The following NBEAL2 variants were observed in gnomAD, a reference collection of about 807,000 sequenced individuals.
NBEAL2 encodes the protein neurobeachin like 2, also known as neurobeachin-like protein 2.
In NBEAL2, 160 loss-of-function variants were observed where a neutral mutation model predicts 299.8. That is an observed-to-expected ratio of 0.53 (90% CI 0.47 to 0.61). The LOEUF (loss-of-function observed/expected upper bound fraction) is 0.61, where lower values mean the gene tolerates loss of function less well. NBEAL2 is among the 20% of genes least tolerant of loss of function. The probability of loss-of-function intolerance (pLI) is 0.00; values close to 1 mark genes in which losing one functional copy is unlikely to be tolerated. For synonymous variants in NBEAL2, 1,493 were observed against 1,542.3 expected (o/e 0.97, Z 0.75); for missense variants, 3,112 against 3,649.0 (o/e 0.85, Z 3.79).
chr3:47,004,835 CCT>C lies in NBEAL2; in HGVS notation c.6295-136_6295-135del. The C allele has an allele frequency of 7.6e-7, 1 of 1,318,130 alleles. No homozygotes were observed. Among genetic ancestry groups the C allele is most frequent in the Non-Finnish European group, 1.0e-6 (1 of 960,310 alleles). The allele number at this position is 1,318,130 out of a possible 1,614,324, so 81.7% of individuals were successfully genotyped here. ...GTTCCAGGACACTCTGTCCTTCTCC[CCT>C]GTGACCCCTCTAAGTGGTGCTCCCC... On this transcript the variant is annotated intron_variant, in intron 38 of 53. Transcript: ENST00000450053. This position sits in a 1 kb window ranked among gnomAD's most constrained non-coding sequence, Gnocchi z 5.0.
In NBEAL2 at chr3:46,996,961, A is replaced by C; in HGVS notation, c.2564A>C (p.Lys855Thr). The C allele has an allele frequency of 1.2e-6, 2 of 1,613,212 alleles. No homozygotes were observed. Among genetic ancestry groups the C allele is most frequent in the Non-Finnish European group, 1.7e-6 (2 of 1,179,796 alleles). ...LLLHYSPQACKNNICLDLSPS... is the reference protein window; with the variant it reads ...LLLHYSPQACTNNICLDLSPS... ...CCATTCCCCTATCCCTAGGCTTGTAAGAACAACATCTGCCTGGACCTGTCC... is the reference window on the plus strand; with the variant it reads ...CCATTCCCCTATCCCTAGGCTTGTACGAACAACATCTGCCTGGACCTGTCC... Residue 855 changes from lysine to threonine, a missense_variant, in exon 18 of 54, where the codon AAG becomes ACG. Lys to Thr is a moderately conservative substitution (Grantham distance 78). Around this residue, in one of 3 missense-constraint regions of NBEAL2, gnomAD observed 2,243 missense variants for 2,538.1 expected, o/e 0.88. Transcript: ENST00000450053.
chr3:47,004,360 C>T lies in NBEAL2; in HGVS notation c.6165C>T (p.Pro2055=), dbSNP rs201897629. 13 of 1,601,084 alleles carry T rather than the reference C, an allele frequency of 8.1e-6. No individual in the cohort carries two copies. In the East Asian group the frequency reaches 2.0e-4, roughly 25 times the overall value. Reference sequence around the variant, plus strand: ...AAGGCTACCTAAGCAGCCGCTCCCCCCAGGAGATGCTGCGTGCCTCAGGCC... The same window carrying T: ...AAGGCTACCTAAGCAGCCGCTCCCCTCAGGAGATGCTGCGTGCCTCAGGCC... The part of the protein sequence containing the change: ...PSQGYLSSRS[P]QEMLRASGLT... The change falls in exon 37 of 54, where the codon CCC becomes CCT. Residue 2055 remains proline, a synonymous_variant. Coordinates refer to ENST00000450053, the MANE Select transcript of NBEAL2 (RefSeq NM_015175.3). The surrounding 1 kb of genome is among the most constrained non-coding windows in gnomAD (Gnocchi z 5.0).
chr3:47,002,746 G>A lies in NBEAL2; in HGVS notation c.5403G>A (p.Leu1801=). Residue 1801 remains leucine (L), a synonymous_variant, in exon 33 of 54, where the codon CTG becomes CTA. Coordinates refer to ENST00000450053, the MANE Select transcript of NBEAL2 (RefSeq NM_015175.3). Reference sequence around the variant, plus strand: ...CAACGCAGCACTCCATGGCCCTGCTGCACTGGGGGGCGCTGTGGCGCCAGC... The same window carrying A: ...CAACGCAGCACTCCATGGCCCTGCTACACTGGGGGGCGCTGTGGCGCCAGC... ...QQATQHSMAL[L]HWGALWRQLA... is the part of the protein sequence containing the mutation. 1 of 1,580,192 alleles carries A rather than the reference G, an allele frequency of 6.3e-7. No homozygotes were observed. Among genetic ancestry groups the A allele is most frequent in the Non-Finnish European group, 8.6e-7 (1 of 1,167,536 alleles).
Position 47,001,040 on chromosome 3 carries a change from G to C in NBEAL2, c.4345G>C (p.Val1449Leu). The C allele has an allele frequency of 6.2e-7, 1 of 1,612,424 alleles. No homozygotes were observed. Residue 1449 changes from valine to leucine, a missense_variant, in exon 28 of 54, where the codon GTG becomes CTG. Physicochemically the swap from Val to Leu is conservative, Grantham distance 32 (BLOSUM62 1). Transcript: ENST00000450053. The surrounding 1 kb of genome is among the most constrained non-coding windows in gnomAD (Gnocchi z 6.1). ...EEELCNLLTNVLFSVTWRGVE... is the reference protein window; with the variant it reads ...EEELCNLLTNLLFSVTWRGVE... ...AGAGTTGTGCAATCTGCTCACCAAC[G>C]TGCTGTTCTCGGTGACGTGGCGTGG...
rs2305639 is a variant in NBEAL2, at chr3:47,009,094, C to T, written c.8133C>T (p.Leu2711=). The T allele has an allele frequency of 2.9e-5, 46 of 1,600,430 alleles. 2 individuals are homozygous for T. The East Asian group carries it at 9.8e-4, about 34-fold the overall frequency. The change falls in exon 53 of 54, where the codon CTC becomes CTT. Residue 2711 remains leucine, a synonymous_variant. Coordinates refer to ENST00000450053, the MANE Select transcript of NBEAL2 (RefSeq NM_015175.3). ...HVLVGLEDGK[L]IVVVAGQPSE... ...TGGTGGGCCTGGAGGATGGCAAGCT[C>T]ATCGTGGTGGTCGCGGGGCAGCCCT...
chr3:46,998,080 C>A lies in NBEAL2; in HGVS notation c.2972C>A (p.Ala991Asp). Reference sequence around the variant, plus strand: ...GTCTTATCCCAGGTCCCAAGCTGGGCCATGGACATGAACGTGCTCATGTCC... The same window carrying A: ...GTCTTATCCCAGGTCCCAAGCTGGGACATGGACATGAACGTGCTCATGTCC... ...GALLRKVPSW[A>D]MDMNVLMSAQ... Residue 991 changes from alanine to aspartate, a missense_variant, in exon 21 of 54, where the codon GCC becomes GAC. Around this residue, in one of 3 missense-constraint regions of NBEAL2, gnomAD observed 2,243 missense variants for 2,538.1 expected, o/e 0.88. Coordinates refer to ENST00000450053, the MANE Select transcript of NBEAL2 (RefSeq NM_015175.3). 3.8e-6 allele frequency: 6 copies of A among 1,571,852 alleles called. No homozygotes were observed. The highest frequency in any genetic ancestry group is 5.2e-6 in the Non-Finnish European group (6 of 1,158,308).
Position 47,000,996 on chromosome 3 carries a change from C to T in NBEAL2, c.4306-5C>T. Reference sequence around the variant, plus strand: ...CACGCCCACACCACCCACCTGTGCCCACAGCAAACCTCTGAGGAAGAGTTG... The same window carrying T: ...CACGCCCACACCACCCACCTGTGCCTACAGCAAACCTCTGAGGAAGAGTTG... On this transcript the variant is annotated splice_region_variant and splice_polypyrimidine_tract_variant and intron_variant, in intron 27 of 53. Transcript: ENST00000450053. The surrounding 1 kb of genome is among the most constrained non-coding windows in gnomAD (Gnocchi z 4.5). The T allele has an allele frequency of 6.2e-7, 1 of 1,601,012 alleles. No individual in the cohort carries two copies. The highest frequency in any genetic ancestry group is 8.5e-7 in the Non-Finnish European group (1 of 1,173,934).
At chr3:47,007,176 C>A in intron 46 of NBEAL2, 21 bp downstream of exon 46, 1 of 1,612,164 alleles carries the variant, frequency 6.2e-7, no homozygotes, top group Non-Finnish European at 8.5e-7. Context: ...TGTGCAGAGC[C>A]CCAGCTCAGC....
rs1190964527 is a variant in NBEAL2, at chr3:46,999,431, C to T, written c.3660C>T (p.Ser1220=). 2 of 1,588,132 alleles carry T rather than the reference C, an allele frequency of 1.3e-6. No homozygotes were observed. Among genetic ancestry groups the T allele is most frequent in the Non-Finnish European group, 1.7e-6 (2 of 1,167,868 alleles). Residue 1220 remains serine, a synonymous_variant, in exon 25 of 54, where the codon TCC becomes TCT. Transcript: ENST00000450053. ...LVACLPEGTV[S]PQLCQGLYKL... is the part of the protein sequence containing the mutation. ...CCTGCTTGCCTGAGGGGACTGTTTC[C>T]CCCCAGCTCTGCCAGGGCCTCTACA...
rs527746810 is a variant in NBEAL2, at chr3:46,994,918, A to G, written c.1297-114A>G. ...GCCTCACACACAACCTGTGGGCAGG[A>G]TGGAGTAGATCATGTTGCTGACTGC... On this transcript the variant is annotated intron_variant, in intron 12 of 53. Coordinates refer to ENST00000450053, the MANE Select transcript of NBEAL2 (RefSeq NM_015175.3). 12 of 1,398,048 alleles carry G rather than the reference A, an allele frequency of 8.6e-6. No homozygotes were observed. In the Admixed American group the frequency reaches 2.6e-4, roughly 31 times the overall value. The allele number at this position is 1,398,048 out of a possible 1,614,324, so 86.6% of individuals were successfully genotyped here.
Position 47,005,190 on chromosome 3 carries a change from CT to C in NBEAL2, c.6432del (p.Phe2144LeufsTer23), listed in dbSNP as rs1575623114. 1 of 1,613,846 alleles carries C rather than the reference CT, an allele frequency of 6.2e-7. No homozygotes were observed. The highest frequency in any genetic ancestry group is 8.5e-7 in the Non-Finnish European group (1 of 1,179,892). ...AQLVREKYES[F>X]EDPAGTIDKF... ...CCAACTGTGGCCCCAGGTATGAAAGCTTTGAGGACCCAGCAGGGACCATTGA... is the reference window on the plus strand; with the variant it reads ...CCAACTGTGGCCCCAGGTATGAAAGCTTGAGGACCCAGCAGGGACCATTGA... On this transcript the variant is annotated frameshift_variant, in exon 40 of 54. Transcript: ENST00000450053. LOFTEE classifies it high-confidence loss of function.
Position 46,991,924 on chromosome 3 carries a change from C to T in NBEAL2, c.1010C>T (p.Thr337Ile), listed in dbSNP as rs766005754. The stretch of plus-strand genomic sequence containing the variant: ...AGCAACAATTGCTTTGAACACCTCA[C>T]TCGGCTCATTCAGAACAGCAAGGTG... ...FLSNNCFEHL[T>I]RLIQNSKLYL... The change falls in exon 9 of 54, where the codon ACT (threonine) becomes ATT (isoleucine). Residue 337 changes from threonine to isoleucine, a missense_variant. By Grantham distance (89) the Thr-to-Ile change is moderately conservative. Transcript: ENST00000450053. The surrounding 1 kb of genome is among the most constrained non-coding windows in gnomAD (Gnocchi z 6.2). The T allele has an allele frequency of 6.2e-7, 1 of 1,601,088 alleles. No individual in the cohort carries two copies. Among genetic ancestry groups the T allele is most frequent in the East Asian group, 2.3e-5 (1 of 44,332 alleles).
Position 46,992,521 on chromosome 3 carries a change from C to G in NBEAL2, c.1079C>G (p.Ala360Gly), listed in dbSNP as rs1305673455. Residue 360 changes from alanine to glycine, a missense_variant, in exon 10 of 54, where the codon GCT becomes GGT. This residue lies in a region of NBEAL2 where 2,243 missense variants were observed against 2,538.1 expected (regional missense o/e 0.88). Coordinates refer to ENST00000450053, the MANE Select transcript of NBEAL2 (RefSeq NM_015175.3). ...CCCCCCGAGGGGGACAGTGACCTGGCTACCCGGTTACTGACTGAGCCCGAT... is the reference window on the plus strand; with the variant it reads ...CCCCCCGAGGGGGACAGTGACCTGGGTACCCGGTTACTGACTGAGCCCGAT... ...RAPPEGDSDLATRLLTEPDVQ... is the reference protein window; with the variant it reads ...RAPPEGDSDLGTRLLTEPDVQ... The G allele has an allele frequency of 6.2e-7, 1 of 1,604,370 alleles. No individual in the cohort carries two copies. The highest frequency in any genetic ancestry group is 8.5e-7 in the Non-Finnish European group (1 of 1,175,866).
At chr3:46,992,983 T>A (rs2036216995) in intron 10 of NBEAL2, among the ~76,000 whole-genome samples, 1 of 152,170 alleles carries the variant, frequency 6.6e-6, no homozygotes. Context: ...GATGATGTGA[T>A]CCCTGATTCA....
Position 47,007,809 on chromosome 3 carries a change from C to A in NBEAL2, c.7508-7C>A, listed in dbSNP as rs749459612. The A allele has an allele frequency of 6.2e-7, 1 of 1,612,806 alleles. No homozygotes were observed. The highest frequency in any genetic ancestry group is 2.2e-5 in the East Asian group (1 of 44,850). On this transcript the variant is annotated splice_region_variant and splice_polypyrimidine_tract_variant and intron_variant, in intron 48 of 53. Transcript: ENST00000450053. ...CGTTCTGCCTGTACCCTCCCCTTCC[C>A]ATGCAGATGTAGTAACCTGCCTTGC...
Position 47,000,337 on chromosome 3 carries a change from T to C in NBEAL2, c.4238T>C (p.Leu1413Pro), listed in dbSNP as rs757804953. 1 of 1,605,084 alleles carries C rather than the reference T, an allele frequency of 6.2e-7. No homozygotes were observed. The highest frequency in any genetic ancestry group is 1.7e-5 in the Admixed American group (1 of 59,832). ...GRHSSSLSNV[L>P]EDGSLPEPTI... ...CACAGCTCCAGTCTCTCCAATGTGCTGGAGGACGGCAGCCTCCCGGAGCCC... is the reference window on the plus strand; with the variant it reads ...CACAGCTCCAGTCTCTCCAATGTGCCGGAGGACGGCAGCCTCCCGGAGCCC... Residue 1413 changes from leucine to proline, a missense_variant, in exon 27 of 54, where the codon CTG (leucine) becomes CCG (proline). By Grantham distance (98) the Leu-to-Pro change is moderately conservative. Transcript: ENST00000450053. This position sits in a 1 kb window ranked among gnomAD's most constrained non-coding sequence, Gnocchi z 4.5.
intron 1 of NBEAL2, among the ~76,000 whole-genome samples, chr3:46,985,676 AG>A (rs1307962977): frequency 1.3e-5 from 2 of 152,186 alleles, no homozygotes; most frequent in African/African-American, 4.8e-5. Flanking sequence ...CCCCTGCTGC[AG>A]GACCTGGGCA....
rs1343397257 is a variant in NBEAL2 at position 46,995,239 on chromosome 3, C to T, written c.1504C>T (p.Leu502Phe). Residue 502 changes from leucine to phenylalanine, a missense_variant, in exon 13 of 54, where the codon CTC becomes TTC. Physicochemically the swap from Leu to Phe is conservative, Grantham distance 22. Transcript: ENST00000450053. ...AGLVGCLLET[L>F]STGLALEARC... The stretch of plus-strand genomic sequence containing the variant: ...CCTGGTGGGCTGCCTGTTGGAGACA[C>T]TCAGCACAGGGCTAGCCCTGGAGGC... 2 of 1,556,744 alleles carry T rather than the reference C, an allele frequency of 1.3e-6. No individual in the cohort carries two copies. The highest frequency in any genetic ancestry group is 2.4e-5 in the East Asian group (1 of 41,268).
rs755596092 is a variant in NBEAL2 at position 47,006,266 on chromosome 3, A to AGT, written c.7017+5_7017+6insTG. 6.2e-7 allele frequency: 1 copy of AGT among 1,613,194 alleles called. No individual in the cohort carries two copies. The highest frequency in any genetic ancestry group is 1.7e-5 in the Admixed American group (1 of 59,872). On this transcript the variant is annotated splice_donor_region_variant and intron_variant, in intron 44 of 53. Transcript: ENST00000450053. ...GACTCCCTGTCAGCTGCTGAAGGTA[A>AGT]GGCCAGCTTAGAGGATAGTGGCCAG...
Sources: allele counts gnomAD v4.1 joint callset (sites outside exome capture counted in the v4.1 genomes callset), GRCh38; gene constraint gnomAD v4.1.1; regional missense constraint gnomAD v4.1.1; non-coding constraint Gnocchi (gnomAD v3.1); transcripts MANE v1.5; gene names NCBI Gene and HGNC (gene_info 2026-07-23, HGNC 2026-07-21).